Variants in GOSR1 observed in about 807,000 individuals in gnomAD.
GOSR1 encodes 28 kDa Golgi SNARE protein.
GOSR1 carries 21 observed loss-of-function variants against 35.5 expected under a neutral mutation model. The observed-to-expected ratio is 0.59, with a 90% CI of 0.42 to 0.85. GOSR1 has a LOEUF of 0.85. Among genes scored for constraint, GOSR1 ranks in the 40% least tolerant of loss-of-function variants. The probability of loss-of-function intolerance (pLI) is 0.00; values close to 1 mark genes in which losing one functional copy is unlikely to be tolerated. For missense variants in GOSR1, 285 were observed against 309.6 expected, an observed-to-expected ratio of 0.92 and a Z score of 0.60; for synonymous variants, 94 against 106.6, an observed-to-expected ratio of 0.88 and a Z score of 0.73.
intron 1 of GOSR1, chr17:30,480,722 C>CTCTTTTTTTT (rs1914278594): frequency 7.2e-6 from 1 of 139,756 alleles, no homozygotes; most frequent in African/African-American, 2.7e-5. Context: ...TTTTATTTTC[C>CTCTTTTTTTT]TTTTTTTGAG....
intron 4 of GOSR1, among the ~76,000 whole-genome samples, chr17:30,485,427 T>G (rs1248784446): frequency 3.9e-5 from 6 of 152,132 alleles, no homozygotes; most frequent in African/African-American, 9.7e-5. Flanking sequence ...CCACCACGCC[T>G]GGCTAATTTT....
rs1284917788 is a variant in GOSR1, at chr17:30,523,022, G to C, written c.*644G>C. On this transcript the variant is annotated 3_prime_UTR_variant, in exon 9 of 9. Transcript: ENST00000451249. Reference sequence around the variant, plus strand: ...GTGCCGGGATTGCAGACGGAGTCTCGTTCACTCAGTGCTCAATGGTGCCCA... The same window carrying C: ...GTGCCGGGATTGCAGACGGAGTCTCCTTCACTCAGTGCTCAATGGTGCCCA... 5 of 201,278 alleles carry C rather than the reference G, an allele frequency of 2.5e-5. No individual in the cohort carries two copies. In the South Asian group the frequency reaches 2.9e-4, roughly 12 times the overall value. 12.5% of individuals were successfully genotyped at this position (201,278 alleles called of 1,614,324 possible).
intron 7 of GOSR1, among the ~76,000 whole-genome samples, chr17:30,518,955 C>G (rs190207260): frequency 6.6e-6 from 1 of 151,744 alleles, no homozygotes; most frequent in Non-Finnish European, 1.5e-5. Context: ...ACCCCCAACC[C>G]CCCCCAAAAA....
intron 6 of GOSR1, among the ~76,000 whole-genome samples, chr17:30,502,106 C>CA: frequency 6.6e-6 from 1 of 152,272 alleles, no homozygotes; most frequent in Non-Finnish European, 1.5e-5. Context: ...TCTGTGAAGG[C>CA]TACATACTGT....
intron 6 of GOSR1, among the ~76,000 whole-genome samples, chr17:30,499,875 C>T (rs1350130603): frequency 6.6e-6 from 1 of 152,162 alleles, no homozygotes; most frequent in African/African-American, 2.4e-5. Context: ...ATTTGTATTT[C>T]TCTAAGGACT....
At chr17:30,503,652 C>T (rs1236783001) in intron 6 of GOSR1, among the ~76,000 whole-genome samples, 1 of 152,116 alleles carries the variant, frequency 6.6e-6, no homozygotes, top group Admixed American at 6.5e-5. Context: ...TGAGTAAAGA[C>T]CTGGAGACTG....
intron 3 of GOSR1, 56 bp downstream of exon 3, chr17:30,484,357 G>A: frequency 1.1e-6 from 1 of 934,708 alleles, no homozygotes; most frequent in Non-Finnish European, 1.8e-6. Flanking sequence ...TTGTTACGTA[G>A]GATCCTGGAT....
intron 2 of GOSR1, among the ~76,000 whole-genome samples, chr17:30,483,987 C>G (rs1186765508): frequency 6.6e-6 from 1 of 152,178 alleles, no homozygotes; most frequent in Non-Finnish European, 1.5e-5. Context: ...AAACCTCAAT[C>G]TTATTTCCTC....
chr17:30,500,715 T>C lies in GOSR1; in HGVS notation c.509+7962T>C, dbSNP rs537628115. Among the ~76,000 whole-genome samples, 85 of 152,320 alleles carry C rather than the reference T, an allele frequency of 5.6e-4. 1 individual carries two copies. The highest frequency in any genetic ancestry group is 1.9e-3 in the African/African-American group (79 of 41,580). On this transcript the variant is annotated intron_variant, in intron 6 of 8. Transcript: ENST00000451249. ...AAGTTATTTTGACTCCTCTGGGTCC[T>C]ATGCACTTCCATATAAATTTTAATA...
At chr17:30,515,062 G>T (rs1967749713) in intron 7 of GOSR1, among the ~76,000 whole-genome samples, 1 of 152,104 alleles carries the variant, frequency 6.6e-6, no homozygotes, top group Non-Finnish European at 1.5e-5. Context: ...TTTGAACTCT[G>T]CCTTTCATGT....
At chr17:30,480,888 T>A in intron 1 of GOSR1, 1 of 277,990 alleles carries the variant, frequency 3.6e-6, no homozygotes, top group Non-Finnish European at 7.2e-6. Context: ...AATTTTCTAT[T>A]TTTAGTAGAG....
intron 5 of GOSR1, among the ~76,000 whole-genome samples, chr17:30,491,097 AT>A (rs1915013627): frequency 1.3e-5 from 2 of 152,172 alleles, no homozygotes; most frequent in Non-Finnish European, 2.9e-5. Flanking sequence ...TTGTTGTAAT[AT>A]TTTTAGTCCT....
At chr17:30,520,928 T>C (rs1322651224) in intron 8 of GOSR1, among the ~76,000 whole-genome samples, 1 of 152,222 alleles carries the variant, frequency 6.6e-6, no homozygotes, top group African/African-American at 2.4e-5. Context: ...TGCTGTTATA[T>C]ACATTATCTC....
chr17:30,511,180 TCA>T (rs1967600535), intron 7 of GOSR1, among the ~76,000 whole-genome samples: 1 of 152,228 alleles, frequency 6.6e-6, no homozygotes, highest in South Asian at 2.1e-4. Context: ...ATTTTCAATC[TCA>T]GTCTTTTTAT....
chr17:30,496,242 C>G (rs1192673813), intron 6 of GOSR1, among the ~76,000 whole-genome samples: 2 of 152,182 alleles, frequency 1.3e-5, no homozygotes, highest in African/African-American at 4.8e-5. Flanking sequence ...GGTACACTGT[C>G]TCTGGTTTAC....
Position 30,525,304 on chromosome 17 carries a change from A to T in GOSR1, c.*2926A>T, listed in dbSNP as rs574030670. The T allele has an allele frequency of 6.6e-6, 1 of 152,310 alleles. No individual in the cohort carries two copies. The highest frequency in any genetic ancestry group is 2.4e-5 in the African/African-American group (1 of 41,572). The allele number at this position is 152,310 out of a possible 1,614,324, so 9.4% of individuals were successfully genotyped here. On this transcript the variant is annotated 3_prime_UTR_variant, in exon 9 of 9. Transcript: ENST00000451249. ...TCTGGTGTCAAAGTTTTGTTACATT[A>T]TGGGTGTGAAGGGCATTTGATATAT...
intron 1 of GOSR1, chr17:30,478,351 C>T (rs533975055): frequency 6.6e-6 from 1 of 152,180 alleles, no homozygotes; most frequent in Non-Finnish European, 1.5e-5. Context: ...ACTGAAGCCT[C>T]TAGAAACCAC....
rs1914336998 is a variant in GOSR1 at position 30,481,361 on chromosome 17, AT to A, written c.146+109del. Reference sequence around the variant, plus strand: ...CTTCTGTAAGTTGGTCTATTGGTGAATTTTTGGTGTTTTGTTTTGCCATTCA... The same window carrying A: ...CTTCTGTAAGTTGGTCTATTGGTGAATTTTGGTGTTTTGTTTTGCCATTCA... On this transcript the variant is annotated intron_variant, in intron 2 of 8. Coordinates refer to ENST00000451249, the MANE Select transcript of GOSR1 (RefSeq NM_001007025.2). 3 of 755,142 alleles carry A rather than the reference AT, an allele frequency of 4.0e-6. No individual in the cohort carries two copies. In the South Asian group the frequency reaches 7.0e-5, roughly 18 times the overall value. 46.8% of individuals were successfully genotyped at this position (755,142 alleles called of 1,614,324 possible).
intron 5 of GOSR1, among the ~76,000 whole-genome samples, chr17:30,491,141 T>G (rs1915016491): frequency 1.3e-5 from 2 of 152,216 alleles, no homozygotes; most frequent in South Asian, 4.1e-4. Context: ...TTAATTTCCA[T>G]GTAGTCCATT....
Sources: allele counts gnomAD v4.1 joint callset (sites outside exome capture counted in the v4.1 genomes callset), GRCh38; gene constraint gnomAD v4.1.1; transcripts MANE v1.5; gene names NCBI Gene and HGNC (gene_info 2026-07-23, HGNC 2026-07-21).